PJA2: variants seen among roughly 807,000 people sequenced by gnomAD.
The protein encoded by PJA2 is E3 ubiquitin-protein ligase Praja-2.
In PJA2, 25 loss-of-function variants were observed where a neutral mutation model predicts 69.3. The ratio of observed to expected loss-of-function variants is 0.36; its 90% CI spans 0.26 to 0.50. The LOEUF (loss-of-function observed/expected upper bound fraction) is 0.50. Ranked by LOEUF, PJA2 falls within the 20% of genes least tolerant of loss-of-function variation. The pLI is 0.96. For missense variants in PJA2, 809 were observed against 830.2 expected (o/e 0.97, Z 0.31); for synonymous variants, 308 against 277.8 (o/e 1.11, Z -1.08).
intron 2 of PJA2, among the ~76,000 whole-genome samples, chr5:109,383,195 C>A (rs981047234): frequency 6.6e-6 from 1 of 152,110 alleles, no homozygotes; most frequent in Non-Finnish European, 1.5e-5. Flanking sequence ...GCTTTCCAAG[C>A]TAAATGGGTA....
intron 1 of PJA2, among the ~76,000 whole-genome samples, chr5:109,390,942 T>C (rs768926652): frequency 2.0e-5 from 3 of 152,142 alleles, no homozygotes; most frequent in Non-Finnish European, 4.4e-5. Flanking sequence ...CCATTTCAGC[T>C]TGTCCTTATA....
chr5:109,342,344 G>A (rs1762084293), intron 9 of PJA2, among the ~76,000 whole-genome samples: 1 of 115,490 alleles, frequency 8.7e-6, no homozygotes, highest in East Asian at 2.6e-4. Context: ...TCGGCCCCCC[G>A]CCCGGCCAGC....
At chr5:109,352,005 T>G (rs1762262223) in intron 7 of PJA2, among the ~76,000 whole-genome samples, 1 of 151,824 alleles carries the variant, frequency 6.6e-6, no homozygotes, top group Non-Finnish European at 1.5e-5. Context: ...GTGAAACATC[T>G]CAATCAAATT....
At chr5:109,339,429 A>G (rs886757659) in intron 9 of PJA2, among the ~76,000 whole-genome samples, 2 of 152,218 alleles carry the variant, frequency 1.3e-5, no homozygotes, top group Non-Finnish European at 1.5e-5. Flanking sequence ...CATGTACCCC[A>G]CAGATTTATG....
At chr5:109,361,243 C>T (rs907666221) in intron 6 of PJA2, among the ~76,000 whole-genome samples, 5 of 152,192 alleles carry the variant, frequency 3.3e-5, no homozygotes, top group African/African-American at 7.2e-5. Flanking sequence ...AAAAATACTA[C>T]ATATCTCAGT....
At chr5:109,385,383 T>C (rs906519534) in intron 1 of PJA2, among the ~76,000 whole-genome samples, 4 of 152,126 alleles carry the variant, frequency 2.6e-5, no homozygotes, top group African/African-American at 9.7e-5. Context: ...AATTTACTAA[T>C]ATAGGATATG....
intron 7 of PJA2, among the ~76,000 whole-genome samples, chr5:109,353,689 T>C (rs1762326068): frequency 6.7e-6 from 1 of 148,568 alleles, no homozygotes; most frequent in Non-Finnish European, 1.5e-5. Flanking sequence ...ATATATTAGA[T>C]ACCTATTATA....
intron 1 of PJA2, among the ~76,000 whole-genome samples, chr5:109,401,696 G>A (rs1472039751): frequency 6.6e-6 from 1 of 152,112 alleles, no homozygotes; most frequent in Non-Finnish European, 1.5e-5. Context: ...AACAATCTTT[G>A]GAACTTTGTT....
At chr5:109,376,662 T>C (rs574834096) in intron 4 of PJA2, among the ~76,000 whole-genome samples, 1 of 152,220 alleles carries the variant, frequency 6.6e-6, no homozygotes, top group East Asian at 1.9e-4. Flanking sequence ...CCTTACACTT[T>C]CAAAAAAATA....
chr5:109,376,256 TAA>T (rs10612724), intron 4 of PJA2, among the ~76,000 whole-genome samples: 10,453 of 132,546 alleles, frequency 0.079, 405 homozygotes, highest in African/African-American at 0.11. Context: ...ATATTGTTTG[TAA>T]AAAAAAAAAA....
At chr5:109,353,330 A>T (rs1012019799) in intron 7 of PJA2, among the ~76,000 whole-genome samples, 1 of 141,938 alleles carries the variant, frequency 7.0e-6, no homozygotes. Flanking sequence ...TCTATATATT[A>T]GATACCTATA....
At chr5:109,367,143 A>AAAATAT (rs1252162401) in intron 5 of PJA2, among the ~76,000 whole-genome samples, 7 of 143,196 alleles carry the variant, frequency 4.9e-5, no homozygotes, top group South Asian at 4.3e-4. Context: ...CAAAAAAAAA[A>AAAATAT]ATATATATAT....
intron 1 of PJA2, among the ~76,000 whole-genome samples, chr5:109,402,893 T>G (rs1407554018): frequency 1.3e-5 from 2 of 151,862 alleles, no homozygotes; most frequent in African/African-American, 4.8e-5. Flanking sequence ...AAAAAATCAG[T>G]GCATCAAATT....
intron 5 of PJA2, among the ~76,000 whole-genome samples, chr5:109,366,557 T>C (rs772256154): frequency 8.5e-5 from 13 of 152,230 alleles, no homozygotes; most frequent in Non-Finnish European, 1.0e-4. Flanking sequence ...TCATTTACCT[T>C]CTTTCACATC....
chr5:109,354,024 GATATCTAGAGATATCTATAGATTAGATA>G, intron 7 of PJA2, among the ~76,000 whole-genome samples: 1 of 91,932 alleles, frequency 1.1e-5, no homozygotes, highest in Non-Finnish European at 2.8e-5. Context: ...AGATATCTAT[GATATCTAGAGATATCTATAGATTAGATA>G]TCTATGATAT....
chr5:109,357,736 A>C (rs1762437945), intron 6 of PJA2, among the ~76,000 whole-genome samples: 1 of 152,226 alleles, frequency 6.6e-6, no homozygotes, highest in Admixed American at 6.5e-5. Context: ...GGAGAGCACT[A>C]CTAGAAGTTT....
Position 109,336,330 on chromosome 5 carries a change from T to C in PJA2, c.*901A>G, listed in dbSNP as rs1761938906. On this transcript the variant is annotated 3_prime_UTR_variant, in exon 10 of 10. Coordinates refer to ENST00000361189, the MANE Select transcript of PJA2 (RefSeq NM_014819.5). The stretch of plus-strand genomic sequence containing the variant: ...GTTTGGGGTTATATAATTACAAAGA[T>C]GACCCTGTGCAAGTTTTCAGACCTT... 1 of 152,214 alleles carries C rather than the reference T, an allele frequency of 6.6e-6. No homozygotes were observed. Among genetic ancestry groups the C allele is most frequent in the South Asian group, 2.1e-4 (1 of 4,830 alleles). 9.4% of individuals were successfully genotyped at this position (152,214 alleles called of 1,614,324 possible).
chr5:109,352,475 T>G (rs541639353), intron 7 of PJA2, among the ~76,000 whole-genome samples: 1 of 152,322 alleles, frequency 6.6e-6, no homozygotes, highest in East Asian at 1.9e-4. Context: ...GTATTTCTGA[T>G]GCAAGTTACC....
intron 1 of PJA2, among the ~76,000 whole-genome samples, chr5:109,392,560 C>CA (rs11365525): frequency 0.67 from 74,149 of 109,942 alleles, 24,374 homozygotes; most frequent in Middle Eastern, 0.74. Flanking sequence ...GACTCCATCT[C>CA]AAAAAAAAAA....
Sources: gnomAD v4.1 joint callset for allele counts (sites outside exome capture counted in the v4.1 genomes callset) on GRCh38, gnomAD v4.1.1 for gene constraint, MANE v1.5 for transcripts, NCBI Gene and HGNC (gene_info 2026-07-23, HGNC 2026-07-21) for gene names.